The following IFT140 variants were observed in gnomAD, a reference collection of about 807,000 sequenced individuals.
IFT140 encodes the protein intraflagellar transport protein 140 homolog.
IFT140 carries 133 observed loss-of-function variants against 164.6 expected under a neutral mutation model. The ratio of observed to expected loss-of-function variants is 0.81; its 90% CI spans 0.70 to 0.93. The LOEUF is 0.93. Among genes scored for constraint, IFT140 ranks in the 40% least tolerant of loss-of-function variants. IFT140 has a pLI of 0.00. For missense variants in IFT140, 2,045 were observed against 1,972.3 expected (o/e 1.04, Z -0.70); for synonymous variants, 860 against 817.3 (o/e 1.05, Z -0.89).
chr16:1,566,155 T>C lies in IFT140; in HGVS notation c.1901+6A>G, dbSNP rs755201312. On this transcript the variant is annotated splice_donor_region_variant and intron_variant, in intron 16 of 30. Transcript: ENST00000426508. ...CCAACAAAATCCTCCTGAACCACAA[T>C]CTTACTTATTAGTCTCTTGCTCATT... 2.5e-6 allele frequency: 4 copies of C among 1,611,704 alleles called. No individual in the cohort carries two copies. In the South Asian group the frequency reaches 4.4e-5, roughly 18 times the overall value.
Position 1,586,237 on chromosome 16 carries a change from T to G in IFT140, c.1048A>C (p.Met350Leu). Reference sequence around the variant, plus strand: ...AGGAAGTCTGGTACTTTCCTCCACATGGCTACTCGCCCTCTGTCGGTACCA... The same window carrying G: ...AGGAAGTCTGGTACTTTCCTCCACAGGGCTACTCGCCCTCTGTCGGTACCA... ...AAGTDRGRVA[M>L]WRKVPDFLGS... The change falls in exon 10 of 31, where the codon ATG becomes CTG. Residue 350 changes from methionine to leucine, a missense_variant. By Grantham distance (15) the Met-to-Leu change is conservative. Transcript: ENST00000426508. The G allele has an allele frequency of 6.2e-7, 1 of 1,613,972 alleles. No homozygotes were observed. The highest frequency in any genetic ancestry group is 8.5e-7 in the Non-Finnish European group (1 of 1,179,978).
Position 1,525,568 on chromosome 16 carries a change from C to T in IFT140, c.2769-242G>A, listed in dbSNP as rs531749230. Among the ~76,000 whole-genome samples the T allele has an allele frequency of 2.0e-5, 3 of 152,348 alleles. No individual in the cohort carries two copies. In the South Asian group the frequency reaches 6.2e-4, roughly 32 times the overall value. ...ACCCCGGGAACGGGTCTAAGAGCAGCTCCTCCTCTGGAGAGGGTGACATGG... is the reference window on the plus strand; with the variant it reads ...ACCCCGGGAACGGGTCTAAGAGCAGTTCCTCCTCTGGAGAGGGTGACATGG... On this transcript the variant is annotated intron_variant, in intron 21 of 30. Coordinates refer to ENST00000426508, the MANE Select transcript of IFT140 (RefSeq NM_014714.4).
intron 17 of IFT140, 122 bp downstream of exon 17, chr16:1,563,875 C>T (rs2033563782): frequency 1.9e-6 from 2 of 1,050,502 alleles, no homozygotes; most frequent in African/African-American, 1.6e-5. Context: ...TTCCCTCCCG[C>T]CTTGGCCTCC....
At chr16:1,540,909 G>A (rs2031569623) in intron 19 of IFT140, 23 of 985,334 alleles carry the variant, frequency 2.3e-5, no homozygotes, top group Non-Finnish European at 2.8e-5. Context: ...TCCAGGCTGA[G>A]TGTCTGTCAG....
intron 30 of IFT140, among the ~76,000 whole-genome samples, chr16:1,517,058 G>A (rs2040376009): frequency 6.6e-6 from 1 of 152,052 alleles, no homozygotes; most frequent in South Asian, 2.1e-4. Context: ...AATTTCAGAA[G>A]CAGAGGAAAA....
At chr16:1,519,143 T>C (rs2141138867) in intron 29 of IFT140, among the ~76,000 whole-genome samples, 1 of 152,354 alleles carries the variant, frequency 6.6e-6, no homozygotes, top group South Asian at 2.1e-4. Context: ...GAGACGCTGA[T>C]ACCCCAGAAT....
intron 4 of IFT140, among the ~76,000 whole-genome samples, chr16:1,599,071 A>G (rs2035619656): frequency 1.3e-5 from 1 of 76,066 alleles, no homozygotes; most frequent in Non-Finnish European, 2.5e-5. Flanking sequence ...CCGCCGCCCC[A>G]TCTGGGATGT....
chr16:1,541,004 T>G (rs1242096479), intron 19 of IFT140: 2 of 985,194 alleles, frequency 2.0e-6, no homozygotes, highest in African/African-American at 3.5e-5. Context: ...TGTGTAAGGT[T>G]TTATTTGCGG....
At position 1,607,315 on chromosome 16, in the gene IFT140, T is replaced by C. The variant is rs2036127475; in HGVS notation, c.-31-18A>G. On this transcript the variant is annotated intron_variant, in intron 2 of 30. Transcript: ENST00000426508. ...GCTGAAACCTGCAGGGAAAAAAAAA[T>C]GACCAAGTCCAATCAGTTTTAAATA... 6.4e-7 allele frequency: 1 copy of C among 1,560,260 alleles called. No homozygotes were observed. Among genetic ancestry groups the C allele is most frequent in the African/African-American group, 1.4e-5 (1 of 72,176 alleles).
In IFT140 at chr16:1,587,222, A is replaced by G. The variant is rs1441549097; in HGVS notation, c.985T>C (p.Cys329Arg). The G allele has an allele frequency of 1.9e-6, 3 of 1,610,208 alleles. No homozygotes were observed. The highest frequency in any genetic ancestry group is 2.7e-5 in the African/African-American group (2 of 74,878). The change falls in exon 9 of 31, where the codon TGT (cysteine) becomes CGT (arginine). Residue 329 changes from cysteine to arginine, a missense_variant. Coordinates refer to ENST00000426508, the MANE Select transcript of IFT140 (RefSeq NM_014714.4). ...FGFEKGENMNCVCYCKVKGLL... is the reference protein window; with the variant it reads ...FGFEKGENMNRVCYCKVKGLL... ...CCTTTGACTTTACAGTAACACACAC[A>G]GTTCATATTCTCTCCTTTCTCAAAG...
At chr16:1,548,684 C>T (rs1222607894) in intron 19 of IFT140, among the ~76,000 whole-genome samples, 1 of 152,198 alleles carries the variant, frequency 6.6e-6, no homozygotes, top group Non-Finnish European at 1.5e-5. Context: ...GGGCCAGCCC[C>T]AGCCCTGTCT....
intron 19 of IFT140, among the ~76,000 whole-genome samples, chr16:1,548,239 T>C (rs1265467500): frequency 2.0e-5 from 3 of 152,180 alleles, no homozygotes; most frequent in Non-Finnish European, 4.4e-5. Context: ...TAGAGCCAGT[T>C]GCACCCAGTT....
intron 19 of IFT140, among the ~76,000 whole-genome samples, chr16:1,552,120 C>T (rs991722966): frequency 6.6e-6 from 1 of 152,136 alleles, no homozygotes; most frequent in Non-Finnish European, 1.5e-5. Context: ...GAACTAGAGG[C>T]CCCCTGAGAT....
intron 6 of IFT140, among the ~76,000 whole-genome samples, chr16:1,590,855 T>C (rs2035142948): frequency 6.6e-6 from 1 of 152,192 alleles, no homozygotes; most frequent in Non-Finnish European, 1.5e-5. Context: ...AGCCTCAGCC[T>C]CCTGGGTTCA....
intron 30 of IFT140, among the ~76,000 whole-genome samples, chr16:1,512,649 A>G (rs1474779539): frequency 6.6e-6 from 1 of 152,172 alleles, no homozygotes; most frequent in African/African-American, 2.4e-5. Context: ...TCTCCTAGAA[A>G]TAGAAACCCC....
In IFT140 at chr16:1,563,374, G is replaced by A. The variant is rs368370798; in HGVS notation, c.2067+623C>T. On this transcript the variant is annotated intron_variant, in intron 17 of 30. Transcript: ENST00000426508. ...CAGTGGCGCGATCCCGGCTCACTCC[G>A]CCTGGGAGGCGGAGGTTGCAGTGAG... 1.1e-3 allele frequency among the ~76,000 whole-genome samples: 169 copies of A among 149,392 alleles called. 2 individuals carry two copies. The highest frequency in any genetic ancestry group is 3.6e-3 in the African/African-American group (146 of 40,810).
At position 1,525,305 on chromosome 16, in the gene IFT140, G is replaced by A. The variant is rs1298506440; in HGVS notation, c.2790C>T (p.His930=). 1.2e-6 allele frequency: 2 copies of A among 1,612,370 alleles called. No individual in the cohort carries two copies. The highest frequency in any genetic ancestry group is 1.1e-5 in the South Asian group (1 of 91,080). The change falls in exon 22 of 31, where the codon CAC becomes CAT. Residue 930 remains histidine (H), a synonymous_variant. Transcript: ENST00000426508. The part of the protein sequence containing the change: ...ALSYYEKSDT[H]RFEVPRMLSE... ...ACAGCATCCTGGGCACCTCGAAGCG[G>A]TGCGTGTCCGACTTCTCGTAGCTGT...
chr16:1,569,341 CT>C (rs2033900627), intron 14 of IFT140, among the ~76,000 whole-genome samples: 1 of 152,032 alleles, frequency 6.6e-6, no homozygotes, highest in South Asian at 2.1e-4. Flanking sequence ...CCTGTCTCTT[CT>C]CCTCTATTTA....
At chr16:1,559,467 C>T (rs1596364434) in intron 18 of IFT140, among the ~76,000 whole-genome samples, 2 of 152,256 alleles carry the variant, frequency 1.3e-5, no homozygotes, top group South Asian at 2.1e-4. Flanking sequence ...CCTCATACCT[C>T]GGAGAAACTA....
Sources: allele counts gnomAD v4.1 joint callset (sites outside exome capture counted in the v4.1 genomes callset), GRCh38; gene constraint gnomAD v4.1.1; transcripts MANE v1.5; gene names NCBI Gene and HGNC (gene_info 2026-07-23, HGNC 2026-07-21).